DENND4C: variants seen among roughly 807,000 people sequenced by gnomAD.
DENND4C encodes the protein DENN domain-containing protein 4C.
A neutral mutation model predicts 203.0 loss-of-function variants in DENND4C; 108 were observed. That is an observed-to-expected ratio of 0.53 (90% CI 0.46 to 0.62). The LOEUF (loss-of-function observed/expected upper bound fraction) is 0.62, where lower values mean the gene tolerates loss of function less well. Among genes scored for constraint, DENND4C ranks in the 20% least tolerant of loss-of-function variants. The probability of loss-of-function intolerance (pLI) is 0.00; values close to 1 mark genes in which losing one functional copy is unlikely to be tolerated. For missense variants in DENND4C, 2,481 were observed against 2,301.2 expected (o/e 1.08, Z -1.60); for synonymous variants, 871 against 792.4 (o/e 1.10, Z -1.67).
chr9:19,298,760 T>C (rs946390491), intron 7 of DENND4C, among the ~76,000 whole-genome samples: 14 of 152,278 alleles, frequency 9.2e-5, no homozygotes, highest in African/African-American at 2.9e-4. Flanking sequence ...TCAGTAGCAC[T>C]GATCTATAGA....
chr9:19,307,391 C>A (rs13287416), intron 10 of DENND4C, among the ~76,000 whole-genome samples: 2 of 125,772 alleles, frequency 1.6e-5, no homozygotes, highest in South Asian at 5.3e-4. Flanking sequence ...AAGACTCTGT[C>A]TCAAAAAAAA....
intron 30 of DENND4C, 61 bp downstream of exon 30, chr9:19,362,024 A>G: frequency 1.9e-6 from 2 of 1,079,518 alleles, no homozygotes; most frequent in Middle Eastern, 2.1e-4. Context: ...CTGTAATGCC[A>G]GCACTTTGGG....
intron 13 of DENND4C, 48 bp from the exon 14 acceptor site, chr9:19,325,891 A>T (rs549262736): frequency 8.4e-6 from 13 of 1,541,212 alleles, no homozygotes; most frequent in Non-Finnish European, 1.1e-5. Context: ...ATGTCTATTA[A>T]ATTCATAGTG....
chr9:19,303,002 T>G (rs1413757383), intron 9 of DENND4C, among the ~76,000 whole-genome samples: 1 of 152,044 alleles, frequency 6.6e-6, no homozygotes, highest in African/African-American at 2.4e-5. Context: ...ACTTTTCCTT[T>G]TTTTTTTTTC....
chr9:19,245,932 C>G (rs1825133077), intron 1 of DENND4C, among the ~76,000 whole-genome samples: 1 of 145,760 alleles, frequency 6.9e-6, no homozygotes, highest in African/African-American at 2.5e-5. Context: ...ACTCCAGTAC[C>G]CTATTTTGAT....
chr9:19,354,332 G>A (rs10121948), intron 26 of DENND4C, among the ~76,000 whole-genome samples: 20,907 of 152,048 alleles, frequency 0.14, 2,064 homozygotes, highest in African/African-American at 0.27. Flanking sequence ...CTAAGAAAAC[G>A]ATAATCCTTG....
chr9:19,364,189 G>A (rs1252596223), intron 30 of DENND4C, among the ~76,000 whole-genome samples: 1 of 150,772 alleles, frequency 6.6e-6, no homozygotes, highest in Admixed American at 6.6e-5. Context: ...CCGCCTTCCT[G>A]TCTGTTAAGA....
chr9:19,305,648 C>G (rs1839503824), intron 10 of DENND4C, 121 bp downstream of exon 10: 2 of 950,800 alleles, frequency 2.1e-6, no homozygotes, highest in Non-Finnish European at 3.1e-6. Context: ...GTCTTAAATA[C>G]AGCAGCTCTC....
chr9:19,282,211 A>G (rs979240019), intron 2 of DENND4C, among the ~76,000 whole-genome samples: 1 of 151,836 alleles, frequency 6.6e-6, no homozygotes. Context: ...TCCTTATTTT[A>G]TTAAGTTTTT....
chr9:19,281,775 T>G (rs1198457219), intron 2 of DENND4C, among the ~76,000 whole-genome samples: 9 of 152,212 alleles, frequency 5.9e-5, no homozygotes, highest in African/African-American at 2.2e-4. Flanking sequence ...GTGGCATAGC[T>G]TACTACATAT....
At position 19,325,922 on chromosome 9, in the gene DENND4C, G is replaced by C. The variant is rs1588923979; in HGVS notation, c.1954-17G>C. The stretch of plus-strand genomic sequence containing the variant: ...TAGTGGACATTTTCATTAAGAATCT[G>C]TTTTCTTTTTTTCTAGTTGTTTCCT... On this transcript the variant is annotated splice_polypyrimidine_tract_variant and intron_variant, in intron 13 of 32. Coordinates refer to ENST00000434457, the MANE Select transcript of DENND4C (RefSeq NM_001330640.2). 6.3e-7 allele frequency: 1 copy of C among 1,594,820 alleles called. No individual in the cohort carries two copies. The highest frequency in any genetic ancestry group is 8.5e-7 in the Non-Finnish European group (1 of 1,170,482).
intron 2 of DENND4C, among the ~76,000 whole-genome samples, chr9:19,285,895 C>A (rs531654564): frequency 2.0e-5 from 3 of 152,096 alleles, no homozygotes; most frequent in African/African-American, 7.2e-5. Context: ...TTTGGACACT[C>A]CATTTTATTC....
chr9:19,304,932 G>C (rs1187099919), intron 9 of DENND4C, among the ~76,000 whole-genome samples: 1 of 150,056 alleles, frequency 6.7e-6, no homozygotes, highest in Non-Finnish European at 1.5e-5. Context: ...TTAAATCCTG[G>C]ATGCTTTTAG....
chr9:19,332,175 C>T lies in DENND4C; in HGVS notation c.2451C>T (p.Pro817=). Residue 817 remains proline (P), a synonymous_variant, in exon 17 of 33, where the codon CCC becomes CCT. Coordinates refer to ENST00000434457, the MANE Select transcript of DENND4C (RefSeq NM_001330640.2). ...LIKMRKTDVD[P]LDEVCYRVVM... is the part of the protein sequence containing the mutation. ...AGATGAGGAAAACAGATGTGGATCC[C>T]TTAGATGAGGCAAGTATAACAAATT... The T allele has an allele frequency of 6.2e-7, 1 of 1,613,406 alleles. No homozygotes were observed. Among genetic ancestry groups the T allele is most frequent in the Non-Finnish European group, 8.5e-7 (1 of 1,179,536 alleles).
At chr9:19,330,194 A>G (rs1441874228) in intron 16 of DENND4C, among the ~76,000 whole-genome samples, 3 of 151,982 alleles carry the variant, frequency 2.0e-5, no homozygotes, top group South Asian at 2.1e-4. Flanking sequence ...AATCTCATTT[A>G]TAGCAGAATT....
At chr9:19,348,784 A>T (rs552934484) in intron 23 of DENND4C, among the ~76,000 whole-genome samples, 9 of 152,202 alleles carry the variant, frequency 5.9e-5, no homozygotes, top group African/African-American at 1.9e-4. Context: ...TGGCATTATG[A>T]TAAAAAAGAA....
chr9:19,341,809 A>G (rs1563821779), intron 21 of DENND4C, among the ~76,000 whole-genome samples: 1 of 152,036 alleles, frequency 6.6e-6, no homozygotes, highest in Non-Finnish European at 1.5e-5. Flanking sequence ...CTAGGTGCAT[A>G]GTTTTCATTG....
intron 5 of DENND4C, among the ~76,000 whole-genome samples, chr9:19,295,606 GTTGCAGTGAGCTGAGA>G (rs998696610): frequency 8.0e-5 from 12 of 149,858 alleles, no homozygotes; most frequent in Admixed American, 8.0e-4. Context: ...GGAGGCGGAG[GTTGCAGTGAGCTGAGA>G]TTGCGCTACT....
intron 12 of DENND4C, among the ~76,000 whole-genome samples, chr9:19,319,890 T>C (rs948499505): frequency 8.5e-5 from 13 of 152,166 alleles, no homozygotes; most frequent in African/African-American, 3.1e-4. Flanking sequence ...TATCCTTTAG[T>C]GTGCTACTTT....
Sources: allele counts gnomAD v4.1 joint callset (sites outside exome capture counted in the v4.1 genomes callset), GRCh38; gene constraint gnomAD v4.1.1; transcripts MANE v1.5; gene names NCBI Gene and HGNC (gene_info 2026-07-23, HGNC 2026-07-21).